Variants in SLAIN2 observed in about 807,000 individuals in gnomAD.
SLAIN2 encodes SLAIN motif-containing protein 2.
SLAIN2 carries 31 observed loss-of-function variants against 56.6 expected under a neutral mutation model. The ratio of observed to expected loss-of-function variants is 0.55; its 90% confidence interval spans 0.41 to 0.74. The LOEUF is 0.74. SLAIN2 is among the 30% of genes least tolerant of loss of function. The pLI is 0.00. For missense variants in SLAIN2, 777 were observed against 754.2 expected, an observed-to-expected ratio of 1.03 and a Z score of -0.35; for synonymous variants, 317 against 284.9, an observed-to-expected ratio of 1.11 and a Z score of -1.13.
chr4:48,388,004 C>T (rs1716142738), intron 6 of SLAIN2, among the ~76,000 whole-genome samples: 1 of 151,982 alleles, frequency 6.6e-6, no homozygotes, highest in South Asian at 2.1e-4. Context: ...AGTGGTAAAG[C>T]TTTGGTTCTT....
chr4:48,409,472 A>T (rs1448148609), intron 6 of SLAIN2, among the ~76,000 whole-genome samples: 1 of 152,228 alleles, frequency 6.6e-6, no homozygotes, highest in East Asian at 1.9e-4. Context: ...TAAGTGACAC[A>T]TAACTGTACT....
chr4:48,376,771 C>T (rs371122865), intron 2 of SLAIN2, among the ~76,000 whole-genome samples: 11 of 151,042 alleles, frequency 7.3e-5, no homozygotes, highest in South Asian at 4.2e-4. Flanking sequence ...TACAGGCGCC[C>T]GCCACCACAC....
At chr4:48,348,629 G>C (rs1195096379) in intron 1 of SLAIN2, among the ~76,000 whole-genome samples, 3 of 150,274 alleles carry the variant, frequency 2.0e-5, no homozygotes, top group African/African-American at 7.4e-5. Flanking sequence ...GGCAGAGGTT[G>C]CAGTGAGCTG....
At chr4:48,358,383 G>A (rs1395035475) in intron 1 of SLAIN2, among the ~76,000 whole-genome samples, 4 of 151,166 alleles carry the variant, frequency 2.6e-5, no homozygotes, top group African/African-American at 4.9e-5. Flanking sequence ...GCAATGGCGC[G>A]ATCTTGGCTC....
intron 6 of SLAIN2, among the ~76,000 whole-genome samples, chr4:48,411,560 A>T (rs1315073724): frequency 6.7e-6 from 1 of 149,574 alleles, no homozygotes; most frequent in East Asian, 2.0e-4. Context: ...ATTTTCCTTT[A>T]TCTGGAATGT....
chr4:48,343,603 A>G (rs571555804), intron 1 of SLAIN2, among the ~76,000 whole-genome samples: 1 of 152,276 alleles, frequency 6.6e-6, no homozygotes, highest in South Asian at 2.1e-4. Flanking sequence ...AGTAACTGGG[A>G]AAAAAATAGT....
At chr4:48,375,382 A>G (rs1378818875) in intron 2 of SLAIN2, among the ~76,000 whole-genome samples, 2 of 152,218 alleles carry the variant, frequency 1.3e-5, no homozygotes, top group African/African-American at 4.8e-5. Flanking sequence ...AACAGAAAAC[A>G]TATGTTCCTC....
intron 6 of SLAIN2, among the ~76,000 whole-genome samples, chr4:48,399,488 G>A (rs965720038): frequency 3.9e-5 from 6 of 151,994 alleles, no homozygotes; most frequent in African/African-American, 1.2e-4. Context: ...GTTTGAATAC[G>A]CTTTATTTTT....
chr4:48,367,678 A>G (rs1315281777), intron 1 of SLAIN2, among the ~76,000 whole-genome samples: 1 of 152,142 alleles, frequency 6.6e-6, no homozygotes, highest in Non-Finnish European at 1.5e-5. Context: ...TTATTGTTGT[A>G]TTCATTTAGT....
chr4:48,383,505 T>TA, intron 5 of SLAIN2, 142 bp from the exon 6 acceptor site: 1 of 792,614 alleles, frequency 1.3e-6, no homozygotes, highest in South Asian at 3.3e-5. Flanking sequence ...TTGTTTTTTT[T>TA]AATAAGACAA....
In SLAIN2 at chr4:48,420,288, C is replaced by G; in HGVS notation, c.1524C>G (p.Ser508Arg). Residue 508 changes from serine to arginine, a missense_variant, in exon 7 of 8, where the codon AGC (serine) becomes AGG (arginine). Coordinates refer to ENST00000264313, the MANE Select transcript of SLAIN2 (RefSeq NM_020846.2). ...CACCTGGGCCTCCTATGGTTCAGAG[C>G]ACAGTCTCAGCAAATCCTCCCAGCA... ...TSSPGPPMVQ[S>R]TVSANPPSNI... 1 of 1,613,974 alleles carries G rather than the reference C, an allele frequency of 6.2e-7. No individual in the cohort carries two copies. Among genetic ancestry groups the G allele is most frequent in the Non-Finnish European group, 8.5e-7 (1 of 1,179,870 alleles).
intron 6 of SLAIN2, among the ~76,000 whole-genome samples, chr4:48,414,825 T>A (rs1258970355): frequency 7.6e-5 from 4 of 52,724 alleles, no homozygotes; most frequent in Non-Finnish European, 1.5e-4. Flanking sequence ...TTTTTGTTCT[T>A]GCGATAGTTT....
intron 2 of SLAIN2, among the ~76,000 whole-genome samples, chr4:48,374,066 C>T (rs1329022693): frequency 6.6e-6 from 1 of 151,940 alleles, no homozygotes; most frequent in South Asian, 2.1e-4. Context: ...TAGAGCATTC[C>T]AGATAAAAAG....
At chr4:48,360,603 A>T (rs537196961) in intron 1 of SLAIN2, among the ~76,000 whole-genome samples, 15 of 150,952 alleles carry the variant, frequency 9.9e-5, no homozygotes, top group East Asian at 5.8e-4. Flanking sequence ...AAAAAAAATT[A>T]AAAAAAACAT....
At chr4:48,418,803 A>G (rs756313664) in intron 6 of SLAIN2, among the ~76,000 whole-genome samples, 14 of 152,104 alleles carry the variant, frequency 9.2e-5, no homozygotes, top group Non-Finnish European at 1.9e-4. Flanking sequence ...TTGTTACCAT[A>G]AATTAGATAT....
intron 6 of SLAIN2, among the ~76,000 whole-genome samples, chr4:48,409,194 C>T (rs574808397): frequency 6.6e-6 from 1 of 152,240 alleles, no homozygotes; most frequent in East Asian, 1.9e-4. Context: ...ACAGACAATC[C>T]AATTACACTC....
chr4:48,342,370 C>G (rs1480696513), intron 1 of SLAIN2, among the ~76,000 whole-genome samples: 3 of 152,180 alleles, frequency 2.0e-5, no homozygotes, highest in Non-Finnish European at 2.9e-5. Flanking sequence ...GAGTGCTGGA[C>G]CCTATTGGGG....
intron 1 of SLAIN2, among the ~76,000 whole-genome samples, chr4:48,363,779 G>A (rs1476451269): frequency 1.3e-4 from 17 of 133,914 alleles, no homozygotes; most frequent in South Asian, 2.7e-4. Context: ...GGACGGGGCG[G>A]CTGGCCGGGT....
intron 6 of SLAIN2, among the ~76,000 whole-genome samples, chr4:48,403,935 C>A (rs1716623581): frequency 1.3e-5 from 2 of 152,242 alleles, no homozygotes; most frequent in South Asian, 4.1e-4. Flanking sequence ...TTGCAAAGAT[C>A]CGTGGGAGAA....
Sources: gnomAD v4.1 joint callset for allele counts (sites outside exome capture counted in the v4.1 genomes callset) on GRCh38, gnomAD v4.1.1 for gene constraint, MANE v1.5 for transcripts, NCBI Gene and HGNC (gene_info 2026-07-23, HGNC 2026-07-21) for gene names.